PKIG: variants seen among roughly 807,000 people sequenced by gnomAD.
PKIG encodes the protein protein kinase (cAMP-dependent, catalytic) inhibitor gamma.
Under a neutral mutation model 6.8 loss-of-function variants are expected in PKIG, and 1 was observed. That is an observed-to-expected ratio of 0.15 (90% CI 0.05 to 0.69). The LOEUF is 0.69. Among genes scored for constraint, PKIG ranks in the 30% least tolerant of loss-of-function variants. The probability of loss-of-function intolerance (pLI) is 0.82; values close to 1 mark genes in which losing one functional copy is unlikely to be tolerated. For synonymous variants in PKIG, 39 were observed against 43.0 expected (o/e 0.91, Z 0.36); for missense variants, 77 against 104.0 (o/e 0.74, Z 1.13).
At chr20:44,598,098 C>T (rs149913234) in intron 2 of PKIG, among the ~76,000 whole-genome samples, 9 of 152,312 alleles carry the variant, frequency 5.9e-5, no homozygotes, top group Admixed American at 3.3e-4. Flanking sequence ...GGGGCCAGCA[C>T]CGCTGAAGGC....
chr20:44,583,577 A>G (rs2064965671), intron 1 of PKIG, among the ~76,000 whole-genome samples: 1 of 152,188 alleles, frequency 6.6e-6, no homozygotes, highest in Non-Finnish European at 1.5e-5. Flanking sequence ...TAGCAGGTTA[A>G]GTATATTTGA....
intron 1 of PKIG, among the ~76,000 whole-genome samples, chr20:44,547,991 A>T (rs2064631560): frequency 6.6e-6 from 1 of 152,138 alleles, no homozygotes; most frequent in Admixed American, 6.6e-5. Flanking sequence ...CAGCCTGGCC[A>T]ACATGGTGAA....
intron 3 of PKIG, 91 bp from the exon 4 acceptor site, chr20:44,618,194 G>A: frequency 3.6e-6 from 3 of 828,122 alleles, no homozygotes; most frequent in Non-Finnish European, 4.3e-6. Context: ...CATATCCACT[G>A]CTATCAGTTT....
At chr20:44,617,709 G>GGC (rs2065279447) in intron 3 of PKIG, among the ~76,000 whole-genome samples, 1 of 152,052 alleles carries the variant, frequency 6.6e-6, no homozygotes, top group Non-Finnish European at 1.5e-5. Context: ...GCCACACCCT[G>GGC]GCGCTCCCTG....
chr20:44,555,145 AAAAAG>A (rs1392443898), intron 1 of PKIG, among the ~76,000 whole-genome samples: 1 of 152,238 alleles, frequency 6.6e-6, no homozygotes, highest in African/African-American at 2.4e-5. Flanking sequence ...TTCTTAAAGA[AAAAAG>A]AAAAGATACT....
intron 2 of PKIG, among the ~76,000 whole-genome samples, chr20:44,600,639 A>T (rs1266684151): frequency 6.6e-6 from 1 of 151,958 alleles, no homozygotes; most frequent in African/African-American, 2.4e-5. Context: ...TGAGGCCAGG[A>T]ATTTAAGACT....
chr20:44,553,774 G>A (rs776927327), intron 1 of PKIG, among the ~76,000 whole-genome samples: 1 of 152,174 alleles, frequency 6.6e-6, no homozygotes, highest in Non-Finnish European at 1.5e-5. Flanking sequence ...ACATGTTCCT[G>A]TGCACACGGG....
intron 2 of PKIG, chr20:44,599,027 ATCCAGCTG>A (rs2065098109): frequency 6.6e-6 from 1 of 152,248 alleles, no homozygotes; most frequent in South Asian, 2.1e-4. Flanking sequence ...GAAGGTTTGT[ATCCAGCTG>A]AATATCCAAA....
chr20:44,575,809 A>G (rs1005945333), intron 1 of PKIG, among the ~76,000 whole-genome samples: 6 of 152,146 alleles, frequency 3.9e-5, no homozygotes, highest in Non-Finnish European at 8.8e-5. Context: ...TGCTGCAGGT[A>G]TGGGATAGAG....
chr20:44,549,915 A>G (rs940732766), intron 1 of PKIG, among the ~76,000 whole-genome samples: 4 of 152,078 alleles, frequency 2.6e-5, no homozygotes, highest in Non-Finnish European at 5.9e-5. Flanking sequence ...TGATAATATT[A>G]TATCTCTTTC....
chr20:44,576,778 G>A (rs2064902040), intron 1 of PKIG, among the ~76,000 whole-genome samples: 1 of 152,172 alleles, frequency 6.6e-6, no homozygotes. Flanking sequence ...GCTGTAGTTG[G>A]AAACTTATCT....
rs192774638 is a variant in PKIG, at chr20:44,611,700, T to C, written c.-23-2834T>C. ...CCTGGCTAATTTTTGTTTGTTTTTTTAGTAGAGAGGGGGTTTCACCATGTT... is the reference window on the plus strand; with the variant it reads ...CCTGGCTAATTTTTGTTTGTTTTTTCAGTAGAGAGGGGGTTTCACCATGTT... On this transcript the variant is annotated intron_variant, in intron 2 of 3. Coordinates refer to ENST00000372886, the MANE Select transcript of PKIG (RefSeq NM_001281445.2). Among the ~76,000 whole-genome samples the C allele has an allele frequency of 7.5e-3, 1,130 of 151,298 alleles. 13 individuals carry two copies. The highest frequency in any genetic ancestry group is 0.025 in the African/African-American group (1,051 of 41,216).
At chr20:44,545,429 A>G (rs1186229938) in intron 1 of PKIG, among the ~76,000 whole-genome samples, 1 of 152,206 alleles carries the variant, frequency 6.6e-6, no homozygotes, top group African/African-American at 2.4e-5. Context: ...AATAAGTTGA[A>G]TGTGCTTACC....
At chr20:44,546,655 C>T (rs1018033689) in intron 1 of PKIG, among the ~76,000 whole-genome samples, 33 of 151,794 alleles carry the variant, frequency 2.2e-4, no homozygotes, top group East Asian at 1.2e-3. Flanking sequence ...CCAGTTCAGG[C>T]GATTCTCCTG....
At chr20:44,580,502 C>G (rs540401921), upstream of PKIG, among the ~76,000 whole-genome samples, 4 of 152,072 alleles carry the variant, frequency 2.6e-5, no homozygotes, top group East Asian at 7.7e-4. Flanking sequence ...CACGCCACCA[C>G]GCCTGACTAA....
intron 2 of PKIG, among the ~76,000 whole-genome samples, chr20:44,594,948 C>G (rs2065062716): frequency 6.6e-6 from 1 of 152,222 alleles, no homozygotes; most frequent in African/African-American, 2.4e-5. Context: ...TCCAAGCCAC[C>G]CATCTTGTGA....
chr20:44,603,059 A>G (rs1037815909), intron 2 of PKIG, among the ~76,000 whole-genome samples: 2 of 152,154 alleles, frequency 1.3e-5, no homozygotes, highest in Non-Finnish European at 2.9e-5. Flanking sequence ...TCACTTGTTC[A>G]TCAGCTATTC....
chr20:44,547,309 G>T (rs542182385), intron 1 of PKIG, among the ~76,000 whole-genome samples: 2 of 152,284 alleles, frequency 1.3e-5, no homozygotes, highest in South Asian at 4.1e-4. Context: ...AGAGAGAATG[G>T]TATAAAGAAA....
intron 3 of PKIG, among the ~76,000 whole-genome samples, chr20:44,617,174 C>G (rs1343917387): frequency 6.6e-6 from 1 of 152,096 alleles, no homozygotes; most frequent in Non-Finnish European, 1.5e-5. Flanking sequence ...CTGGAGCTTG[C>G]TATAGGGTGG....
Sources: allele counts gnomAD v4.1 joint callset (sites outside exome capture counted in the v4.1 genomes callset), GRCh38; gene constraint gnomAD v4.1.1; transcripts MANE v1.5; gene names NCBI Gene and HGNC (gene_info 2026-07-23, HGNC 2026-07-21).